Variants in ZNF142 observed in about 807,000 individuals in gnomAD.
ZNF142 encodes the protein zinc finger protein 142.
A neutral mutation model predicts 132.1 loss-of-function variants in ZNF142; 96 were observed. That is an observed-to-expected ratio of 0.73 (90% CI 0.62 to 0.86). ZNF142 has a LOEUF of 0.86. Ranked by LOEUF, ZNF142 falls within the 40% of genes least tolerant of loss-of-function variation. ZNF142 has a pLI of 0.00. For missense variants in ZNF142, 2,163 were observed against 2,336.2 expected, an observed-to-expected ratio of 0.93 and a Z score of 1.53; for synonymous variants, 842 against 890.1, an observed-to-expected ratio of 0.95 and a Z score of 0.96.
rs111541679 is a variant in ZNF142 at position 218,635,484 on chromosome 2, G to A, written c.*2855C>T. 1.1e-4 allele frequency among the ~76,000 whole-genome samples: 16 copies of A among 152,044 alleles called. No individual in the cohort carries two copies. The highest frequency in any genetic ancestry group is 1.9e-4 in the African/African-American group (8 of 41,480). On this transcript the variant is annotated 3_prime_UTR_variant, in exon 11 of 11. Coordinates refer to ENST00000411696, the MANE Select transcript of ZNF142 (RefSeq NM_001379659.1). ...CTTCCGAGTAGCTGGGACTACAGGCGCCCGCCACCATGCCTGGCTAATTTT... is the reference window on the plus strand; with the variant it reads ...CTTCCGAGTAGCTGGGACTACAGGCACCCGCCACCATGCCTGGCTAATTTT...
chr2:218,650,208 C>T (rs1937849614), intron 6 of ZNF142, 151 bp downstream of exon 6: 1 of 897,588 alleles, frequency 1.1e-6, no homozygotes. Flanking sequence ...TTATCATTTT[C>T]CCACTAGACC....
chr2:218,640,061 CAAAAAAAAAAAAAAAAAAAAA>C (rs35136548), intron 10 of ZNF142, among the ~76,000 whole-genome samples: 1 of 44,316 alleles, frequency 2.3e-5, no homozygotes, highest in East Asian at 7.4e-4. Context: ...GACTCTGTCT[CAAAAAAAAAAAAAAAAAAAAA>C]AAAAAAAGAA....
chr2:218,651,666 C>A, intron 5 of ZNF142, 35 bp downstream of exon 5: 2 of 1,242,696 alleles, frequency 1.6e-6, no homozygotes, highest in Non-Finnish European at 1.0e-6. Flanking sequence ...TGGCTGAACT[C>A]CAGGAGAGGA....
intron 7 of ZNF142, 90 bp from the exon 8 acceptor site, chr2:218,646,438 T>G (rs1697738780): frequency 6.9e-7 from 1 of 1,457,634 alleles, no homozygotes. Context: ...CCTGCCCTGA[T>G]GCCAGGGAGG....
At position 218,658,369 on chromosome 2, in the gene ZNF142, G is replaced by C. The variant is rs1476587958; in HGVS notation, c.-35+332C>G. Among the ~76,000 whole-genome samples, 3 of 152,018 alleles carry C rather than the reference G, an allele frequency of 2.0e-5. No homozygotes were observed. The East Asian group carries it at 5.8e-4, about 29-fold the overall frequency. ...AGCCTGGCGAACATTGTGAAACCCT[G>C]TTTCTACTAAAAATACAAAAAATCA... is the stretch of plus-strand genomic sequence containing the variant. On this transcript the variant is annotated intron_variant, in intron 3 of 10. Coordinates refer to ENST00000411696, the MANE Select transcript of ZNF142 (RefSeq NM_001379659.1).
Position 218,635,806 on chromosome 2 carries a change from G to A in ZNF142, c.*2533C>T. 1 of 1,612,790 alleles carries A rather than the reference G, an allele frequency of 6.2e-7. No homozygotes were observed. The highest frequency in any genetic ancestry group is 8.5e-7 in the Non-Finnish European group (1 of 1,179,402). ...GAGCCCTGACTACAGGTGATCAGCG[G>A]TCAGCAACTCCCCAAAGTGGACAAG... is the stretch of plus-strand genomic sequence containing the variant. On this transcript the variant is annotated 3_prime_UTR_variant, in exon 11 of 11. Transcript: ENST00000411696.
intron 9 of ZNF142, 138 bp from the exon 10 acceptor site, chr2:218,640,907 A>C: frequency 1.5e-6 from 1 of 663,760 alleles, no homozygotes; most frequent in Non-Finnish European, 2.5e-6. Context: ...TGTTTTTCTT[A>C]ATCTTCAGTT....
Position 218,633,721 on chromosome 2 carries a change from T to C in ZNF142, c.*4618A>G, listed in dbSNP as rs781183449. The C allele has an allele frequency of 1.4e-5, 23 of 1,614,008 alleles. No individual in the cohort carries two copies. In the South Asian group the frequency reaches 2.5e-4, roughly 18 times the overall value. On this transcript the variant is annotated 3_prime_UTR_variant, in exon 11 of 11. Coordinates refer to ENST00000411696, the MANE Select transcript of ZNF142 (RefSeq NM_001379659.1). ...ACTACCACTTCTACGAGATATCATC[T>C]TTCTCTGAAACCAAGGCCAAGCGCC...
intron 7 of ZNF142, 84 bp from the exon 8 acceptor site, chr2:218,646,432 C>T: frequency 1.3e-6 from 2 of 1,492,938 alleles, no homozygotes; most frequent in Non-Finnish European, 1.8e-6. Context: ...AGCAAGCCTG[C>T]CCTGATGCCA....
At chr2:218,655,470 T>TTTTTG (rs1207126490) in intron 4 of ZNF142, among the ~76,000 whole-genome samples, 1 of 152,016 alleles carries the variant, frequency 6.6e-6, no homozygotes, top group Admixed American at 6.6e-5. Context: ...AACTCCTACT[T>TTTTTG]TTTTGTTTTG....
At position 218,636,564 on chromosome 2, in the gene ZNF142, G is replaced by C. The variant is rs1267918686; in HGVS notation, c.*1775C>G. The C allele has an allele frequency of 4.3e-6, 7 of 1,613,860 alleles. No individual in the cohort carries two copies. The highest frequency in any genetic ancestry group is 5.9e-6 in the Non-Finnish European group (7 of 1,179,876). ...ATCTGCATCCAGGAAGGCCTGGAGG[G>C]GGATGAGTCCTGAGGTGGGCATTTC... is the stretch of plus-strand genomic sequence containing the variant. On this transcript the variant is annotated 3_prime_UTR_variant, in exon 11 of 11. Coordinates refer to ENST00000411696, the MANE Select transcript of ZNF142 (RefSeq NM_001379659.1).
rs1696599421 is a variant in ZNF142 at position 218,634,543 on chromosome 2, G to A, written c.*3796C>T. ...AGAATGGCGGCTGTGGCTATGTGCT[G>A]AAGCCAGACTTCCTGCGTGATATCC... On this transcript the variant is annotated 3_prime_UTR_variant, in exon 11 of 11. Coordinates refer to ENST00000411696, the MANE Select transcript of ZNF142 (RefSeq NM_001379659.1). This position sits in a 1 kb window ranked among gnomAD's most constrained non-coding sequence, Gnocchi z 4.0. The A allele has an allele frequency of 6.2e-7, 1 of 1,614,052 alleles. No individual in the cohort carries two copies. Among genetic ancestry groups the A allele is most frequent in the African/African-American group, 1.3e-5 (1 of 75,068 alleles).
rs1031307423 is a variant in ZNF142, at chr2:218,635,342, A to G, written c.*2997T>C. ...TTGAATTTCTACCTGGATCCATTTA[A>G]TTTATTTGTTTATTCTGAGACAGAG... On this transcript the variant is annotated 3_prime_UTR_variant, in exon 11 of 11. Transcript: ENST00000411696. Among the ~76,000 whole-genome samples, 22 of 151,438 alleles carry G rather than the reference A, an allele frequency of 1.5e-4. No individual in the cohort carries two copies. The highest frequency in any genetic ancestry group is 2.9e-5 in the Non-Finnish European group (2 of 67,880).
At chr2:218,640,589 G>T in intron 10 of ZNF142, 75 bp downstream of exon 10, 1 of 1,370,132 alleles carries the variant, frequency 7.3e-7, no homozygotes, top group Non-Finnish European at 1.0e-6. Flanking sequence ...TTGGAACAAG[G>T]ACCAACCTTG....
rs1205490148 is a variant in ZNF142, at chr2:218,636,276, T to C, written c.*2063A>G. 6.2e-7 allele frequency: 1 copy of C among 1,614,056 alleles called. No individual in the cohort carries two copies. On this transcript the variant is annotated 3_prime_UTR_variant, in exon 11 of 11. Transcript: ENST00000411696. The stretch of plus-strand genomic sequence containing the variant: ...CCATACTGGGGGCAGACACTATGTT[T>C]CCGGGTGCTGGTGCCTGAACTTGCC...
rs1258477502 is a variant in ZNF142, at chr2:218,640,758, C to T, written c.5100G>A (p.Arg1700=). 2.5e-6 allele frequency: 4 copies of T among 1,614,128 alleles called. No individual in the cohort carries two copies. Among genetic ancestry groups the T allele is most frequent in the Non-Finnish European group, 2.5e-6 (3 of 1,180,026 alleles). ...GGTACTTCCGTTCCTCCTTGTGGAT[C>T]CGCATGTGGTACTGGAAGAGGCAAG... ...ADPSRLKYHM[R]IHKEERKYLC... is the part of the protein sequence containing the mutation. Residue 1700 remains arginine (R), a synonymous_variant, in exon 10 of 11, where the codon CGG becomes CGA. Transcript: ENST00000411696.
chr2:218,650,131 C>T (rs575597831), intron 6 of ZNF142, among the ~76,000 whole-genome samples: 2 of 152,322 alleles, frequency 1.3e-5, no homozygotes, highest in African/African-American at 4.8e-5. Context: ...CTGAGGAAAA[C>T]CAGCCCAGTG....
rs1373751342 is a variant in ZNF142, at chr2:218,651,909, G to A, written c.672C>T (p.Pro224=). The change falls in exon 5 of 11, where the codon CCC becomes CCT. Residue 224 remains proline, a synonymous_variant. Transcript: ENST00000411696. ...LRQTHRAVPV[P]CSFRGCPLLF... ...GCAGGGGGCAGCCCCGGAAAGAACA[G>A]GGCACAGGAACTGCTCTGTGAGTCT... 2.3e-6 allele frequency: 3 copies of A among 1,280,888 alleles called. No homozygotes were observed. The highest frequency in any genetic ancestry group is 1.2e-5 in the South Asian group (1 of 80,872). The allele number at this position is 1,280,888 out of a possible 1,614,324, so 79.3% of individuals were successfully genotyped here.
intron 9 of ZNF142, 40 bp from the exon 10 acceptor site, chr2:218,640,809 T>C (rs1386548702): frequency 6.6e-7 from 1 of 1,516,618 alleles, no homozygotes; most frequent in Non-Finnish European, 9.1e-7. Context: ...ATATAGTAAG[T>C]GCTCAATAAA....
Sources: allele counts gnomAD v4.1 joint callset (sites outside exome capture counted in the v4.1 genomes callset), GRCh38; gene constraint gnomAD v4.1.1; non-coding constraint Gnocchi (gnomAD v3.1); transcripts MANE v1.5; gene names NCBI Gene and HGNC (gene_info 2026-07-23, HGNC 2026-07-21).